The following PAN3 variants were observed in gnomAD, a reference collection of about 807,000 sequenced individuals.
The protein encoded by PAN3 is poly(A) specific ribonuclease subunit PAN3.
PAN3 carries 19 observed loss-of-function variants against 96.2 expected under a neutral mutation model. That is an observed-to-expected ratio of 0.20 (90% confidence interval 0.14 to 0.29). The LOEUF (loss-of-function observed/expected upper bound fraction) is 0.29. Ranked by LOEUF, PAN3 falls within the 10% of genes least tolerant of loss-of-function variation. The pLI, the probability that PAN3 is intolerant of heterozygous loss-of-function variation, is 1.00. For synonymous variants in PAN3, 433 were observed against 406.6 expected (o/e 1.06, Z -0.78); for missense variants, 882 against 1,108.1 (o/e 0.80, Z 2.90).
intron 13 of PAN3, 27 bp downstream of exon 13, chr13:28,270,893 T>C (rs749090165): frequency 6.2e-7 from 1 of 1,603,762 alleles, no homozygotes; most frequent in South Asian, 1.1e-5. Context: ...TTTTGGTTTC[T>C]TTTATTGAGC....
At chr13:28,173,520 G>A (rs1322498354) in intron 1 of PAN3, among the ~76,000 whole-genome samples, 1 of 152,148 alleles carries the variant, frequency 6.6e-6, no homozygotes, top group Non-Finnish European at 1.5e-5. Context: ...ACCTCAGATT[G>A]TTTTCCAAAG....
chr13:28,141,150 A>G (rs903379180), intron 1 of PAN3, among the ~76,000 whole-genome samples: 1 of 151,798 alleles, frequency 6.6e-6, no homozygotes. Flanking sequence ...TTTTACAGGC[A>G]TGCGCCACCA....
chr13:28,208,873 G>T (rs1018204630), intron 5 of PAN3, among the ~76,000 whole-genome samples: 1 of 152,134 alleles, frequency 6.6e-6, no homozygotes, highest in Non-Finnish European at 1.5e-5. Context: ...AAAGGGAATG[G>T]TGTAAGTGGT....
At chr13:28,180,948 T>G (rs192327316) in intron 4 of PAN3, among the ~76,000 whole-genome samples, 13 of 152,286 alleles carry the variant, frequency 8.5e-5, no homozygotes, top group African/African-American at 3.1e-4. Context: ...AGTGCCAATT[T>G]AAATATTTGA....
chr13:28,276,039 T>C lies in PAN3; in HGVS notation c.2050-1198T>C, dbSNP rs148224577. Among the ~76,000 whole-genome samples, 145 of 152,328 alleles carry C rather than the reference T, an allele frequency of 9.5e-4. 1 individual carries two copies. Among genetic ancestry groups the C allele is most frequent in the African/African-American group, 3.2e-3 (135 of 41,582 alleles). On this transcript the variant is annotated intron_variant, in intron 14 of 18. Transcript: ENST00000380958. ...CCATATAATGCTAGAATTTCACTAA[T>C]GATTGCCTTAAAGTTACAAATATTC...
At chr13:28,200,038 C>G (rs2138249400) in intron 5 of PAN3, among the ~76,000 whole-genome samples, 1 of 152,218 alleles carries the variant, frequency 6.6e-6, no homozygotes, top group East Asian at 1.9e-4. Flanking sequence ...GATGAAGAAA[C>G]ATCTTCAGAG....
intron 6 of PAN3, among the ~76,000 whole-genome samples, chr13:28,249,816 A>G (rs1377716633): frequency 1.3e-5 from 2 of 152,166 alleles, no homozygotes; most frequent in Non-Finnish European, 2.9e-5. Flanking sequence ...CTAGAATTTT[A>G]GTTACACTTT....
intron 1 of PAN3, among the ~76,000 whole-genome samples, chr13:28,150,191 A>G (rs1210432582): frequency 6.6e-6 from 1 of 152,158 alleles, no homozygotes; most frequent in African/African-American, 2.4e-5. Context: ...CTGTGACAAT[A>G]TGTCAGCTAT....
At chr13:28,144,371 C>T (rs897780622) in intron 1 of PAN3, among the ~76,000 whole-genome samples, 3 of 151,838 alleles carry the variant, frequency 2.0e-5, no homozygotes, top group African/African-American at 4.8e-5. Context: ...CCCGCCACCA[C>T]GCCCAGATAA....
At chr13:28,291,066 G>A (rs1181317744) in intron 18 of PAN3, among the ~76,000 whole-genome samples, 1 of 152,112 alleles carries the variant, frequency 6.6e-6, no homozygotes, top group African/African-American at 2.4e-5. Context: ...CAAATCTGAA[G>A]TGTGACAATA....
At chr13:28,277,794 T>G (rs566778320) in intron 15 of PAN3, among the ~76,000 whole-genome samples, 2 of 152,362 alleles carry the variant, frequency 1.3e-5, no homozygotes, top group Admixed American at 1.3e-4. Flanking sequence ...TGGATAGTGC[T>G]GCTCTAGAGA....
At chr13:28,189,750 G>A (rs1462266560) in intron 4 of PAN3, among the ~76,000 whole-genome samples, 5 of 152,156 alleles carry the variant, frequency 3.3e-5, no homozygotes, top group African/African-American at 1.2e-4. Flanking sequence ...AGCATCTGCA[G>A]TCTTGGGAGC....
At chr13:28,154,335 A>G (rs558454121) in intron 1 of PAN3, among the ~76,000 whole-genome samples, 96 of 152,162 alleles carry the variant, frequency 6.3e-4, no homozygotes, top group African/African-American at 2.3e-3. Context: ...TCAGCTGGGT[A>G]CCTGTCGTTA....
intron 1 of PAN3, among the ~76,000 whole-genome samples, chr13:28,144,517 T>C (rs1257337995): frequency 6.6e-6 from 1 of 151,288 alleles, no homozygotes; most frequent in Non-Finnish European, 1.5e-5. Flanking sequence ...GCCCGGCCGG[T>C]TTCGATAAGT....
intron 2 of PAN3, 43 bp downstream of exon 2, chr13:28,174,436 T>G (rs775327355): frequency 6.3e-7 from 1 of 1,593,392 alleles, no homozygotes; most frequent in Non-Finnish European, 8.6e-7. Flanking sequence ...AAGTTTATTC[T>G]AGGGCCAGAG....
chr13:28,251,102 GT>G (rs1398970045), intron 6 of PAN3, among the ~76,000 whole-genome samples: 2 of 151,884 alleles, frequency 1.3e-5, no homozygotes, highest in East Asian at 3.9e-4. Context: ...ATCTTTTGAT[GT>G]TTTTTCCCTT....
At chr13:28,194,417 C>CGT (rs1342167279) in intron 4 of PAN3, among the ~76,000 whole-genome samples, 13 of 137,222 alleles carry the variant, frequency 9.5e-5, no homozygotes, top group Non-Finnish European at 1.7e-4. Flanking sequence ...TATATATATA[C>CGT]GTGTGTGTGT....
intron 15 of PAN3, among the ~76,000 whole-genome samples, chr13:28,279,224 A>T (rs770020262): frequency 6.6e-6 from 1 of 152,136 alleles, no homozygotes; most frequent in Non-Finnish European, 1.5e-5. Context: ...TGTTCTAATG[A>T]TAGAAGAAAT....
intron 6 of PAN3, among the ~76,000 whole-genome samples, chr13:28,240,997 T>C (rs1339453654): frequency 6.6e-6 from 1 of 152,252 alleles, no homozygotes; most frequent in Non-Finnish European, 1.5e-5. Flanking sequence ...TGGTGGCCCA[T>C]GCCTGTTATC....
Sources: gnomAD v4.1 joint callset for allele counts (sites outside exome capture counted in the v4.1 genomes callset) on GRCh38, gnomAD v4.1.1 for gene constraint, MANE v1.5 for transcripts, NCBI Gene and HGNC (gene_info 2026-07-23, HGNC 2026-07-21) for gene names.